Variants in CSGALNACT1 observed in about 807,000 individuals in gnomAD.
The protein encoded by CSGALNACT1 is beta4GalNAcT-1.
A neutral mutation model predicts 51.0 loss-of-function variants in CSGALNACT1; 52 were observed. The ratio of observed to expected loss-of-function variants is 1.02; its 90% CI spans 0.82 to 1.29. The LOEUF (loss-of-function observed/expected upper bound fraction) is 1.29, where lower values mean the gene tolerates loss of function less well. Ranked by LOEUF, CSGALNACT1 falls within the 50% of genes most tolerant of loss-of-function variation. The pLI is 0.00. For missense variants in CSGALNACT1, 935 were observed against 679.2 expected, an observed-to-expected ratio of 1.38 and a Z score of -4.19; for synonymous variants, 341 against 254.4, an observed-to-expected ratio of 1.34 and a Z score of -3.24.
At chr8:19,603,294 T>C (rs1380230993), upstream of CSGALNACT1, among the ~76,000 whole-genome samples, 3 of 152,186 alleles carry the variant, frequency 2.0e-5, no homozygotes, top group Admixed American at 6.5e-5. Flanking sequence ...CAAAGTCAGC[T>C]GAAGTGTGAG....
At chr8:19,736,772 G>T (rs186306667) in intron 1 of CSGALNACT1, among the ~76,000 whole-genome samples, 1 of 152,214 alleles carries the variant, frequency 6.6e-6, no homozygotes, top group East Asian at 1.9e-4. Flanking sequence ...GAACAGAGAG[G>T]AACTCTACAG....
At chr8:19,416,827 C>G (rs774389780) in intron 8 of CSGALNACT1, among the ~76,000 whole-genome samples, 3 of 151,916 alleles carry the variant, frequency 2.0e-5, no homozygotes, top group Non-Finnish European at 2.9e-5. Context: ...TGACATCTCT[C>G]TATTGTTAAG....
chr8:19,639,281 G>A (rs917270617), intron 1 of CSGALNACT1, among the ~76,000 whole-genome samples: 1 of 152,188 alleles, frequency 6.6e-6, no homozygotes, highest in African/African-American at 2.4e-5. Flanking sequence ...TGGTTAAGAA[G>A]GGTTGTATTT....
intron 1 of CSGALNACT1, among the ~76,000 whole-genome samples, chr8:19,700,779 T>A (rs1428301523): frequency 6.6e-6 from 1 of 152,214 alleles, no homozygotes; most frequent in African/African-American, 2.4e-5. Context: ...TCAACCTCTA[T>A]AAAATTCTTT....
intron 6 of CSGALNACT1, among the ~76,000 whole-genome samples, chr8:19,427,506 C>T (rs543709510): frequency 9.2e-5 from 14 of 152,188 alleles, no homozygotes; most frequent in African/African-American, 3.4e-4. Flanking sequence ...TAGGGGGTGG[C>T]AGCCGGGTGT....
At chr8:19,632,786 C>T (rs1210106548) in intron 1 of CSGALNACT1, among the ~76,000 whole-genome samples, 1 of 152,096 alleles carries the variant, frequency 6.6e-6, no homozygotes, top group Non-Finnish European at 1.5e-5. Context: ...GACACAATCA[C>T]ACTCTGTCAT....
intron 1 of CSGALNACT1, among the ~76,000 whole-genome samples, chr8:19,621,896 T>C (rs1040099960): frequency 7.2e-5 from 11 of 152,272 alleles, no homozygotes; most frequent in Non-Finnish European, 1.5e-4. Context: ...CCACAATTTT[T>C]TGTGCTATTC....
chr8:19,484,528 C>T lies in CSGALNACT1; in HGVS notation c.634+20673G>A, dbSNP rs1002198870. Among the ~76,000 whole-genome samples, 6 of 152,158 alleles carry T rather than the reference C, an allele frequency of 3.9e-5. No homozygotes were observed. In the South Asian group the frequency reaches 6.2e-4, roughly 16 times the overall value. Reference sequence around the variant, plus strand: ...GCAGAAGGCAAAGGAGAAGCAAAGGCATGTCTTACATGACAGCAGGTAAGA... The same window carrying T: ...GCAGAAGGCAAAGGAGAAGCAAAGGTATGTCTTACATGACAGCAGGTAAGA... On this transcript the variant is annotated intron_variant, in intron 4 of 9. Coordinates refer to ENST00000454498, the Ensembl canonical transcript of CSGALNACT1.
At chr8:19,740,007 C>A (rs1015381136) in intron 1 of CSGALNACT1, among the ~76,000 whole-genome samples, 1 of 152,162 alleles carries the variant, frequency 6.6e-6, no homozygotes, top group African/African-American at 2.4e-5. Flanking sequence ...TTTCCAGGGG[C>A]TCCCTGCTGG....
In CSGALNACT1 at chr8:19,506,144, C is replaced by T. The variant is rs2077284803; in HGVS notation, c.-296-14G>A. ...GCAAGAGGGGACCTGGGAAGAAACACAAATGACATCAACACTTAATCAAGA... is the reference window on the plus strand; with the variant it reads ...GCAAGAGGGGACCTGGGAAGAAACATAAATGACATCAACACTTAATCAAGA... On this transcript the variant is annotated splice_polypyrimidine_tract_variant and intron_variant, in intron 3 of 9. Transcript: ENST00000454498. The T allele has an allele frequency of 5.2e-6, 3 of 576,398 alleles. No homozygotes were observed. The highest frequency in any genetic ancestry group is 1.5e-5 in the South Asian group (1 of 65,522). The allele number at this position is 576,398 out of a possible 1,614,324, so 35.7% of individuals were successfully genotyped here.
intron 4 of CSGALNACT1, among the ~76,000 whole-genome samples, chr8:19,497,012 A>G (rs540017666): frequency 1.3e-5 from 2 of 152,130 alleles, no homozygotes; most frequent in Admixed American, 1.3e-4. Flanking sequence ...TGGAGCAAAA[A>G]CCTTATTGGT....
chr8:19,535,231 G>T (rs752587210), intron 3 of CSGALNACT1, among the ~76,000 whole-genome samples: 3 of 152,048 alleles, frequency 2.0e-5, no homozygotes, highest in Admixed American at 6.5e-5. Context: ...TATTTCCTAT[G>T]TTTAATTTTA....
intron 1 of CSGALNACT1, among the ~76,000 whole-genome samples, chr8:19,674,787 T>A (rs114599412): frequency 0.017 from 2,540 of 152,014 alleles, 64 homozygotes; most frequent in African/African-American, 0.057. Flanking sequence ...TGAGAAATGA[T>A]CCCCTGGAAA....
intron 5 of CSGALNACT1, among the ~76,000 whole-genome samples, chr8:19,458,128 A>AG (rs1221747667): frequency 6.6e-6 from 1 of 152,148 alleles, no homozygotes; most frequent in Admixed American, 6.5e-5. Flanking sequence ...CCCAAACCTG[A>AG]GCCCCTCCGC....
intron 1 of CSGALNACT1, among the ~76,000 whole-genome samples, chr8:19,682,307 T>G (rs1342654143): frequency 6.6e-6 from 1 of 152,176 alleles, no homozygotes; most frequent in Non-Finnish European, 1.5e-5. Context: ...CTAGGCAATG[T>G]GCCCAGAAGG....
intron 5 of CSGALNACT1, among the ~76,000 whole-genome samples, chr8:19,448,453 G>T (rs2062523229): frequency 6.6e-6 from 1 of 152,108 alleles, no homozygotes; most frequent in Non-Finnish European, 1.5e-5. Flanking sequence ...TGGGACAACT[G>T]GTCACCCTCC....
At chr8:19,510,697 G>C (rs531776889) in intron 3 of CSGALNACT1, among the ~76,000 whole-genome samples, 1 of 152,208 alleles carries the variant, frequency 6.6e-6, no homozygotes, top group Non-Finnish European at 1.5e-5. Context: ...TGAGGAGTGG[G>C]AGATGGGAGG....
chr8:19,714,434 A>G (rs944943994), intron 1 of CSGALNACT1, among the ~76,000 whole-genome samples: 1 of 151,670 alleles, frequency 6.6e-6, no homozygotes, highest in African/African-American at 2.4e-5. Flanking sequence ...CTCAGCCACC[A>G]TTTCTTTAAA....
At chr8:19,752,040 G>T (rs1053811759) in intron 1 of CSGALNACT1, among the ~76,000 whole-genome samples, 2 of 146,254 alleles carry the variant, frequency 1.4e-5, no homozygotes, top group African/African-American at 5.0e-5. Flanking sequence ...AATATACAAT[G>T]TTATATAATA....
Sources: allele counts gnomAD v4.1 joint callset (sites outside exome capture counted in the v4.1 genomes callset), GRCh38; gene constraint gnomAD v4.1.1; transcripts MANE v1.5; gene names NCBI Gene and HGNC (gene_info 2026-07-23, HGNC 2026-07-21).